TMEM132D: variants seen among roughly 807,000 people sequenced by gnomAD.
TMEM132D encodes the protein mature OL transmembrane protein.
In TMEM132D, 21 loss-of-function variants were observed where a neutral mutation model predicts 62.3. The ratio of observed to expected loss-of-function variants is 0.34; its 90% CI spans 0.24 to 0.49. The LOEUF is 0.49. TMEM132D is among the 20% of genes least tolerant of loss of function. TMEM132D has a pLI of 0.99. For synonymous variants in TMEM132D, 621 were observed against 575.6 expected, an observed-to-expected ratio of 1.08 and a Z score of -1.13; for missense variants, 1,346 against 1,402.8, an observed-to-expected ratio of 0.96 and a Z score of 0.65.
chr12:129,610,998 C>T (rs896463121), intron 2 of TMEM132D, among the ~76,000 whole-genome samples: 2 of 152,122 alleles, frequency 1.3e-5, no homozygotes, highest in Admixed American at 1.3e-4. Context: ...TTCATCAATC[C>T]CCAAACTCAT....
intron 2 of TMEM132D, among the ~76,000 whole-genome samples, chr12:129,618,304 A>G (rs775512366): frequency 1.3e-5 from 2 of 152,246 alleles, no homozygotes; most frequent in Non-Finnish European, 2.9e-5. Context: ...TTCTTAAATT[A>G]TTAAAGCAAA....
At chr12:129,644,712 C>T (rs1268836193) in intron 2 of TMEM132D, among the ~76,000 whole-genome samples, 1 of 151,788 alleles carries the variant, frequency 6.6e-6, no homozygotes, top group Non-Finnish European at 1.5e-5. Flanking sequence ...GGAGCAGTGG[C>T]TCACACCTGT....
intron 1 of TMEM132D, among the ~76,000 whole-genome samples, chr12:129,799,782 G>C (rs1871703513): frequency 6.6e-6 from 1 of 152,172 alleles, no homozygotes; most frequent in Non-Finnish European, 1.5e-5. Context: ...AGGGCGGAGG[G>C]AGACTCCTCC....
chr12:129,091,338 C>T (rs1422657384), intron 5 of TMEM132D, among the ~76,000 whole-genome samples: 1 of 151,432 alleles, frequency 6.6e-6, no homozygotes, highest in Admixed American at 6.6e-5. Flanking sequence ...AGGACCTTAC[C>T]TATCCTCACC....
At chr12:129,594,887 C>A (rs1211129119) in intron 2 of TMEM132D, among the ~76,000 whole-genome samples, 3 of 152,184 alleles carry the variant, frequency 2.0e-5, no homozygotes, top group Admixed American at 6.5e-5. Flanking sequence ...GGAAATACCA[C>A]TTCCCATGGC....
chr12:129,754,310 G>A (rs1870095512), intron 1 of TMEM132D, among the ~76,000 whole-genome samples: 1 of 152,188 alleles, frequency 6.6e-6, no homozygotes, highest in Non-Finnish European at 1.5e-5. Context: ...GGCATCAAAA[G>A]TGATCAGAGT....
At chr12:129,407,961 C>A (rs935746026) in intron 3 of TMEM132D, among the ~76,000 whole-genome samples, 1 of 151,892 alleles carries the variant, frequency 6.6e-6, no homozygotes, top group Non-Finnish European at 1.5e-5. Context: ...CTGGAAAAGA[C>A]TGGAGAGCTT....
At chr12:129,783,580 C>G (rs1166054120) in intron 1 of TMEM132D, among the ~76,000 whole-genome samples, 1 of 152,176 alleles carries the variant, frequency 6.6e-6, no homozygotes, top group African/African-American at 2.4e-5. Flanking sequence ...AGAGGGAGTG[C>G]TGAAGAGACA....
intron 1 of TMEM132D, among the ~76,000 whole-genome samples, chr12:129,900,204 T>C (rs1394459753): frequency 1.3e-5 from 2 of 152,180 alleles, no homozygotes; most frequent in Non-Finnish European, 2.9e-5. Context: ...ATGAACTATA[T>C]TTAACAGGAT....
chr12:129,091,035 GC>G (rs1363833601), intron 5 of TMEM132D, among the ~76,000 whole-genome samples: 1 of 152,196 alleles, frequency 6.6e-6, no homozygotes, highest in East Asian at 1.9e-4. Context: ...AGGGTACATT[GC>G]TTTATGAAAG....
At chr12:129,097,966 T>C (rs1381918975) in intron 5 of TMEM132D, among the ~76,000 whole-genome samples, 4 of 152,244 alleles carry the variant, frequency 2.6e-5, no homozygotes, top group Non-Finnish European at 5.9e-5. Context: ...CCTTTGGTGT[T>C]GTATCTGGAA....
chr12:129,503,497 A>G (rs968550895), intron 3 of TMEM132D, among the ~76,000 whole-genome samples: 5 of 152,226 alleles, frequency 3.3e-5, no homozygotes, highest in Admixed American at 6.5e-5. Context: ...TTCCAAGCAA[A>G]GAAAAAGCTT....
chr12:129,544,120 T>C (rs1876668422), intron 2 of TMEM132D, among the ~76,000 whole-genome samples: 1 of 152,236 alleles, frequency 6.6e-6, no homozygotes, highest in Non-Finnish European at 1.5e-5. Context: ...TTAAAGTCCT[T>C]GTTTTCTTTC....
rs541092184 is a variant in TMEM132D, at chr12:129,550,456, A to G, written c.969-19251T>C. 2.6e-5 allele frequency among the ~76,000 whole-genome samples: 4 copies of G among 152,240 alleles called. No homozygotes were observed. The South Asian group carries it at 8.3e-4, about 32-fold the overall frequency. ...GCCTCTTGATTGACTCCCAAGCACAATGCTTGGCAGCCCACTCCTGGGCCG... is the reference window on the plus strand; with the variant it reads ...GCCTCTTGATTGACTCCCAAGCACAGTGCTTGGCAGCCCACTCCTGGGCCG... On this transcript the variant is annotated intron_variant, in intron 2 of 8. Coordinates refer to ENST00000422113, the MANE Select transcript of TMEM132D (RefSeq NM_133448.3).
At chr12:129,481,690 G>A (rs1474866756) in intron 3 of TMEM132D, among the ~76,000 whole-genome samples, 3 of 152,186 alleles carry the variant, frequency 2.0e-5, no homozygotes, top group Non-Finnish European at 4.4e-5. Context: ...TTTAGGAAAT[G>A]AGCTCTCTTA....
At chr12:129,506,603 T>C (rs1875338174) in intron 3 of TMEM132D, among the ~76,000 whole-genome samples, 2 of 151,728 alleles carry the variant, frequency 1.3e-5, no homozygotes, top group South Asian at 4.2e-4. Context: ...AAACATAAAG[T>C]GGGGAAAGGA....
intron 1 of TMEM132D, among the ~76,000 whole-genome samples, chr12:129,877,613 G>GCGCGCACACACACACACA (rs1555238201): frequency 1.4e-5 from 2 of 144,308 alleles, no homozygotes; most frequent in African/African-American, 5.2e-5. Flanking sequence ...GCGCGCGCGC[G>GCGCGCACACACACACACA]CACACACACA....
intron 1 of TMEM132D, among the ~76,000 whole-genome samples, chr12:129,876,265 A>T (rs1874414515): frequency 1.3e-5 from 2 of 152,210 alleles, no homozygotes; most frequent in Admixed American, 1.3e-4. Context: ...GGGTCTTAGC[A>T]TCCTCATCAC....
chr12:129,582,993 G>A (rs180837409), intron 2 of TMEM132D, among the ~76,000 whole-genome samples: 48 of 151,864 alleles, frequency 3.2e-4, no homozygotes, highest in South Asian at 6.2e-4. Flanking sequence ...GCAGTGGCAC[G>A]AGCTCAGCTC....
Sources: gnomAD v4.1 joint callset for allele counts (sites outside exome capture counted in the v4.1 genomes callset) on GRCh38, gnomAD v4.1.1 for gene constraint, MANE v1.5 for transcripts, NCBI Gene and HGNC (gene_info 2026-07-23, HGNC 2026-07-21) for gene names.